Variants in TRIP12 observed in about 807,000 individuals in gnomAD.
TRIP12 encodes the protein thyroid hormone receptor interactor 12.
Under a neutral mutation model 244.2 loss-of-function variants are expected in TRIP12, and 25 were observed. That is an observed-to-expected ratio of 0.10 (90% CI 0.07 to 0.14). TRIP12 has a LOEUF of 0.14. Ranked by LOEUF, TRIP12 falls within the 10% of genes least tolerant of loss-of-function variation. TRIP12 has a pLI of 1.00. For synonymous variants in TRIP12, 905 were observed against 873.1 expected (o/e 1.04, Z -0.64); for missense variants, 1,677 against 2,486.4 (o/e 0.67, Z 6.92).
chr2:229,842,327 A>T (rs1336472775), intron 4 of TRIP12, among the ~76,000 whole-genome samples: 2 of 152,238 alleles, frequency 1.3e-5, no homozygotes, highest in Non-Finnish European at 2.9e-5. Context: ...TGTCTTTGTC[A>T]GGGCACACAA....
rs143869677 is a variant in TRIP12, at chr2:229,809,959, TATC to T, written c.2221+918_2221+920del. 5.7e-3 allele frequency among the ~76,000 whole-genome samples: 873 copies of T among 152,324 alleles called. 7 individuals are homozygous for T. Among genetic ancestry groups the T allele is most frequent in the African/African-American group, 0.019 (796 of 41,568 alleles). ...GACCAAAGACCATTTTATCAGTTAA[TATC>T]ATCACTGACTCCCAAGGTAACATCC... On this transcript the variant is annotated intron_variant, in intron 15 of 41. Transcript: ENST00000675903.
chr2:229,796,839 A>G, intron 24 of TRIP12, 57 bp from the exon 25 acceptor site: 1 of 1,433,874 alleles, frequency 7.0e-7, no homozygotes, highest in Admixed American at 2.5e-5. Context: ...TAAAAAATAC[A>G]CAACTCACAT....
intron 1 of TRIP12, among the ~76,000 whole-genome samples, chr2:229,882,649 G>C (rs2065117131): frequency 6.6e-6 from 1 of 152,202 alleles, no homozygotes; most frequent in Admixed American, 6.5e-5. Context: ...AGAATAGGAT[G>C]ATACTGCTGC....
chr2:229,864,047 A>AGAGAGAGAGAGAGAGAGT, intron 2 of TRIP12, among the ~76,000 whole-genome samples: 17 of 79,314 alleles, frequency 2.1e-4, no homozygotes, highest in South Asian at 5.1e-4. Context: ...AGAGAGAGAG[A>AGAGAGAGAGAGAGAGAGT]GTGTGTGTGT....
At chr2:229,852,912 G>A (rs1412947266) in intron 4 of TRIP12, among the ~76,000 whole-genome samples, 1 of 152,100 alleles carries the variant, frequency 6.6e-6, no homozygotes, top group Non-Finnish European at 1.5e-5. Flanking sequence ...AGTAATAGCT[G>A]GTCAAATTAA....
chr2:229,796,066 C>A lies in TRIP12; in HGVS notation c.3816+525G>T, dbSNP rs564303643. 6.6e-5 allele frequency among the ~76,000 whole-genome samples: 10 copies of A among 152,262 alleles called. No homozygotes were observed. The East Asian group carries it at 1.7e-3, about 26-fold the overall frequency. On this transcript the variant is annotated intron_variant, in intron 25 of 41. Coordinates refer to ENST00000675903, the MANE Select transcript of TRIP12 (RefSeq NM_001348323.3). ...GCTGTCAACAGCATCCAAGGATTAC[C>A]CTCTTGCTCTGGCCCACTTAAGAGT... is the stretch of plus-strand genomic sequence containing the variant.
intron 6 of TRIP12, among the ~76,000 whole-genome samples, chr2:229,832,120 C>G (rs1454150659): frequency 6.6e-6 from 1 of 152,008 alleles, no homozygotes; most frequent in African/African-American, 2.4e-5. Context: ...TCTCTTCACA[C>G]ACCATTAAGT....
chr2:229,834,843 A>G (rs1463596606), intron 6 of TRIP12, among the ~76,000 whole-genome samples: 1 of 152,162 alleles, frequency 6.6e-6, no homozygotes, highest in African/African-American at 2.4e-5. Flanking sequence ...TCAACTTCAA[A>G]GGCTAGCATT....
intron 2 of TRIP12, among the ~76,000 whole-genome samples, chr2:229,876,588 T>G (rs536514582): frequency 6.6e-6 from 1 of 152,342 alleles, no homozygotes; most frequent in Admixed American, 6.5e-5. Context: ...TGTTACAACT[T>G]TGAGCTACTT....
At position 229,807,978 on chromosome 2, in the gene TRIP12, T is replaced by G. The variant is rs996986587; in HGVS notation, c.2340-114A>C. On this transcript the variant is annotated intron_variant, in intron 16 of 41. Coordinates refer to ENST00000675903, the MANE Select transcript of TRIP12 (RefSeq NM_001348323.3). ...AAAAGTTGTATTTAGACCAATTTTT[T>G]TTTTGGAGACAGAGTCTCACTCTGT... 27 of 1,191,726 alleles carry G rather than the reference T, an allele frequency of 2.3e-5. No individual in the cohort carries two copies. The Admixed American group carries it at 6.4e-4, about 28-fold the overall frequency. The allele number at this position is 1,191,726 out of a possible 1,614,324, so 73.8% of individuals were successfully genotyped here.
rs2054983988 is a variant in TRIP12, at chr2:229,836,958, C to G, written c.1160G>C (p.Arg387Thr). 1 of 1,586,940 alleles carries G rather than the reference C, an allele frequency of 6.3e-7. No individual in the cohort carries two copies. ...CTGTCGACGAGCTTCAGCTGCTCCT[C>G]TTTTGCCCAGGCCAGAGCCTCGCCG... is the stretch of plus-strand genomic sequence containing the variant. ...TSRRGSGLGK[R>T]GAAEARRQEK... is the part of the protein sequence containing the mutation. The change falls in exon 6 of 42, where the codon AGA becomes ACA. Residue 387 changes from arginine to threonine, a missense_variant. Coordinates refer to ENST00000675903, the MANE Select transcript of TRIP12 (RefSeq NM_001348323.3).
intron 8 of TRIP12, among the ~76,000 whole-genome samples, chr2:229,827,657 T>A (rs1009278625): frequency 1.3e-5 from 2 of 152,138 alleles, no homozygotes; most frequent in Non-Finnish European, 2.9e-5. Context: ...ATGACAACAA[T>A]GCCTTCTTCT....
rs927879823 is a variant in TRIP12 at position 229,783,640 on chromosome 2, A to C, written c.5094+2117T>G. Among the ~76,000 whole-genome samples, 3 of 152,188 alleles carry C rather than the reference A, an allele frequency of 2.0e-5. No homozygotes were observed. The East Asian group carries it at 5.8e-4, about 29-fold the overall frequency. On this transcript the variant is annotated intron_variant, in intron 34 of 41. Coordinates refer to ENST00000675903, the MANE Select transcript of TRIP12 (RefSeq NM_001348323.3). ...AAATTAAAGATTCAGATAAGTGTAC[A>C]CCACATTCATGGATCAGAAGACACA...
intron 8 of TRIP12, among the ~76,000 whole-genome samples, chr2:229,826,898 G>C (rs1053962856): frequency 2.0e-5 from 3 of 152,172 alleles, no homozygotes; most frequent in African/African-American, 4.8e-5. Flanking sequence ...TGAATGGTGA[G>C]TGAGTGTGAA....
At chr2:229,828,173 A>AGTAG (rs1310808301) in intron 8 of TRIP12, among the ~76,000 whole-genome samples, 1 of 152,168 alleles carries the variant, frequency 6.6e-6, no homozygotes, top group Admixed American at 6.5e-5. Context: ...TTAAATATGA[A>AGTAG]GTAGGCACTG....
chr2:229,804,033 G>C lies in TRIP12; in HGVS notation c.2845C>G (p.Leu949Val). ...GCATGATTTTTCAGAACATCCTTCAGAAGTTCAGCATCCGCAAAATAAATT... is the reference window on the plus strand; with the variant it reads ...GCATGATTTTTCAGAACATCCTTCACAAGTTCAGCATCCGCAAAATAAATT... ...RIIYFADAEL[L>V]KDVLKNHAVS... The change falls in exon 19 of 42, where the codon CTG becomes GTG. Residue 949 changes from leucine (L) to valine (V), a missense_variant. Leu to Val is a conservative substitution (Grantham distance 32). Transcript: ENST00000675903. 6.2e-7 allele frequency: 1 copy of C among 1,613,844 alleles called. No homozygotes were observed. Among genetic ancestry groups the C allele is most frequent in the Non-Finnish European group, 8.5e-7 (1 of 1,179,936 alleles).
chr2:229,919,934 T>C (rs749777718), intron 1 of TRIP12, among the ~76,000 whole-genome samples: 5 of 152,332 alleles, frequency 3.3e-5, no homozygotes, highest in Non-Finnish European at 2.9e-5. Flanking sequence ...AAGAAAGAAT[T>C]AGAAATTCTG....
rs1411889644 is a variant in TRIP12, at chr2:229,815,206, G to A, written c.1636-12C>T. The A allele has an allele frequency of 1.3e-5, 21 of 1,606,840 alleles. No homozygotes were observed. The highest frequency in any genetic ancestry group is 1.7e-5 in the Non-Finnish European group (20 of 1,177,302). On this transcript the variant is annotated splice_polypyrimidine_tract_variant and intron_variant, in intron 10 of 41. Transcript: ENST00000675903. ...CAAGCATGGTTCATCTAGAAAAGAA[G>A]AGATTTTAATGAGTAAAAACTCAAA...
chr2:229,917,241 C>T (rs796754018), intron 1 of TRIP12, among the ~76,000 whole-genome samples: 4 of 151,642 alleles, frequency 2.6e-5, no homozygotes, highest in Admixed American at 6.6e-5. Flanking sequence ...ATTAGCTGGG[C>T]GTGGTGGCTG....
Sources: gnomAD v4.1 joint callset for allele counts (sites outside exome capture counted in the v4.1 genomes callset) on GRCh38, gnomAD v4.1.1 for gene constraint, MANE v1.5 for transcripts, NCBI Gene and HGNC (gene_info 2026-07-23, HGNC 2026-07-21) for gene names.